GNAQ: variants seen among roughly 807,000 people sequenced by gnomAD.
The protein encoded by GNAQ is G protein subunit alpha q.
Under a neutral mutation model 43.9 loss-of-function variants are expected in GNAQ, and 8 were observed. That is an observed-to-expected ratio of 0.18 (90% CI 0.11 to 0.33). GNAQ has a LOEUF of 0.33. Ranked by LOEUF, GNAQ falls within the 10% of genes least tolerant of loss-of-function variation. The pLI is 1.00. For missense variants in GNAQ, 158 were observed against 450.8 expected (o/e 0.35, Z 5.88); for synonymous variants, 155 against 170.7 (o/e 0.91, Z 0.71).
chr9:77,722,636 CTT>C (rs1231450045), intron 6 of GNAQ, among the ~76,000 whole-genome samples: 3 of 145,842 alleles, frequency 2.1e-5, no homozygotes, highest in Non-Finnish European at 4.5e-5. Flanking sequence ...AAATTAAAAA[CTT>C]TATGTATCTA....
rs145079273 is a variant in GNAQ, at chr9:77,763,280, G to T, written c.735+31183C>A. Among the ~76,000 whole-genome samples, 605 of 152,256 alleles carry T rather than the reference G, an allele frequency of 4.0e-3. 6 individuals are homozygous for T. The highest frequency in any genetic ancestry group is 7.3e-3 in the Non-Finnish European group (498 of 68,020). On this transcript the variant is annotated intron_variant, in intron 5 of 6. Transcript: ENST00000286548. ...AAGGTAACCCATGAAAAGGGAGCAG[G>T]ATTTTAACATCGCTTTGCCTTCCAC...
intron 1 of GNAQ, among the ~76,000 whole-genome samples, chr9:77,926,493 A>C (rs1829074433): frequency 6.6e-6 from 1 of 152,222 alleles, no homozygotes; most frequent in Non-Finnish European, 1.5e-5. Context: ...AGGGCAATGA[A>C]AAGCACAAAT....
intron 1 of GNAQ, among the ~76,000 whole-genome samples, chr9:78,029,462 G>A (rs1438352148): frequency 2.1e-5 from 3 of 145,004 alleles, no homozygotes; most frequent in Admixed American, 1.4e-4. Flanking sequence ...AGCTCAAAAT[G>A]AGAATTAAAA....
intron 5 of GNAQ, among the ~76,000 whole-genome samples, chr9:77,760,557 C>A (rs573436745): frequency 1.3e-5 from 2 of 152,178 alleles, no homozygotes. Flanking sequence ...CGGCTCGCTA[C>A]AACTTCCACC....
chr9:77,873,113 G>C (rs1419798454), intron 2 of GNAQ, among the ~76,000 whole-genome samples: 1 of 152,180 alleles, frequency 6.6e-6, no homozygotes, highest in East Asian at 1.9e-4. Flanking sequence ...TCTTGAAGAT[G>C]TTACAACATT....
chr9:77,843,329 G>A (rs1827521751), intron 2 of GNAQ, among the ~76,000 whole-genome samples: 1 of 152,214 alleles, frequency 6.6e-6, no homozygotes, highest in Admixed American at 6.5e-5. Context: ...CAAGGAGGCT[G>A]CAGAGGCAGG....
At chr9:77,734,875 T>C (rs1301045857) in intron 5 of GNAQ, among the ~76,000 whole-genome samples, 6 of 152,190 alleles carry the variant, frequency 3.9e-5, no homozygotes, top group African/African-American at 1.4e-4. Context: ...GACTGCTCAG[T>C]AAAAGGGGAA....
At position 77,717,657 on chromosome 9, in the gene GNAQ, A is replaced by G. The variant is rs920179262; in HGVS notation, c.*3666T>C. ...GTTCGTACACTTTGACAATCAAGATAGTCTGAAGTACAAAAAAGTAAATTG... is the reference window on the plus strand; with the variant it reads ...GTTCGTACACTTTGACAATCAAGATGGTCTGAAGTACAAAAAAGTAAATTG... On this transcript the variant is annotated 3_prime_UTR_variant, in exon 7 of 7. Transcript: ENST00000286548. 1 of 232,264 alleles carries G rather than the reference A, an allele frequency of 4.3e-6. No homozygotes were observed. The highest frequency in any genetic ancestry group is 2.2e-5 in the African/African-American group (1 of 45,280). The allele number at this position is 232,264 out of a possible 1,614,324, so 14.4% of individuals were successfully genotyped here.
At chr9:77,730,078 T>C (rs1825464643) in intron 5 of GNAQ, among the ~76,000 whole-genome samples, 1 of 152,242 alleles carries the variant, frequency 6.6e-6, no homozygotes, top group South Asian at 2.1e-4. Flanking sequence ...CCTGCTCACC[T>C]GGTTTTTAAC....
intron 2 of GNAQ, among the ~76,000 whole-genome samples, chr9:77,841,830 T>A (rs1564127477): frequency 6.6e-6 from 1 of 152,142 alleles, no homozygotes; most frequent in Non-Finnish European, 1.5e-5. Flanking sequence ...AAAAACTGAG[T>A]CATAAGTTCT....
intron 2 of GNAQ, among the ~76,000 whole-genome samples, chr9:77,866,480 C>T (rs1355059902): frequency 2.6e-5 from 4 of 152,074 alleles, no homozygotes; most frequent in Non-Finnish European, 2.9e-5. Context: ...TAAAACTAAA[C>T]CAAATCATCA....
chr9:77,829,165 GCTGAATA>G (rs1827256629), intron 2 of GNAQ, among the ~76,000 whole-genome samples: 1 of 152,120 alleles, frequency 6.6e-6, no homozygotes, highest in Admixed American at 6.5e-5. Context: ...AATAGTAGGG[GCTGAATA>G]CTAACCCAAC....
At chr9:78,030,415 T>C in intron 1 of GNAQ, 1 of 428,316 alleles carries the variant, frequency 2.3e-6, no homozygotes, top group Non-Finnish European at 4.9e-6. Context: ...GTCTGGTGGC[T>C]AGAGAACAGC....
chr9:77,956,020 T>C (rs977673255), intron 1 of GNAQ, among the ~76,000 whole-genome samples: 4 of 152,244 alleles, frequency 2.6e-5, no homozygotes, highest in Non-Finnish European at 5.9e-5. Flanking sequence ...AAACCCTACA[T>C]GTGAAACATT....
intron 2 of GNAQ, among the ~76,000 whole-genome samples, chr9:77,872,023 G>C (rs1828047301): frequency 6.6e-6 from 1 of 152,190 alleles, no homozygotes; most frequent in Admixed American, 6.5e-5. Context: ...ACATGTTTTA[G>C]CAGTTCTTCC....
At chr9:77,968,897 G>T (rs1823202455) in intron 1 of GNAQ, among the ~76,000 whole-genome samples, 1 of 152,222 alleles carries the variant, frequency 6.6e-6, no homozygotes, top group African/African-American at 2.4e-5. Context: ...TCTGCTCCCA[G>T]AGAGTCTGGG....
intron 2 of GNAQ, among the ~76,000 whole-genome samples, chr9:77,820,962 A>G (rs115235677): frequency 0.012 from 1,845 of 152,318 alleles, 38 homozygotes; most frequent in African/African-American, 0.041. Flanking sequence ...TCTCAAAAGT[A>G]CCATTAATAA....
At chr9:77,965,653 C>T (rs574961905) in intron 1 of GNAQ, among the ~76,000 whole-genome samples, 57 of 152,262 alleles carry the variant, frequency 3.7e-4, no homozygotes, top group Middle Eastern at 3.4e-3. Context: ...ATACTTCACA[C>T]CCATTTAAAA....
At chr9:77,783,071 A>G (rs185107845) in intron 5 of GNAQ, among the ~76,000 whole-genome samples, 2 of 152,372 alleles carry the variant, frequency 1.3e-5, no homozygotes, top group Admixed American at 1.3e-4. Context: ...TGGTGAATAT[A>G]TAACATTTTA....
Sources: allele counts gnomAD v4.1 joint callset (sites outside exome capture counted in the v4.1 genomes callset), GRCh38; gene constraint gnomAD v4.1.1; transcripts MANE v1.5; gene names NCBI Gene and HGNC (gene_info 2026-07-23, HGNC 2026-07-21).